Variants in FHIT observed in about 807,000 individuals in gnomAD.
The protein encoded by FHIT is fragile histidine triad diadenosine triphosphatase, also known as bis(5'-adenosyl)-triphosphatase.
A neutral mutation model predicts 17.9 loss-of-function variants in FHIT; 19 were observed. The observed-to-expected ratio is 1.06, with a 90% confidence interval of 0.74 to 1.56. The LOEUF (loss-of-function observed/expected upper bound fraction) is 1.56. FHIT is among the 40% of genes most tolerant of loss of function. FHIT has a pLI of 0.00. For synonymous variants in FHIT, 81 were observed against 69.7 expected (o/e 1.16, Z -0.81); for missense variants, 248 against 189.2 (o/e 1.31, Z -1.82).
intron 3 of FHIT, among the ~76,000 whole-genome samples, chr3:60,931,525 T>C (rs1553771791): frequency 1.3e-5 from 2 of 152,194 alleles, no homozygotes; most frequent in Non-Finnish European, 2.9e-5. Flanking sequence ...CGCCTGTTTT[T>C]AGTACAGATC....
At chr3:61,091,365 C>T (rs141256901) in intron 2 of FHIT, among the ~76,000 whole-genome samples, 153 of 152,196 alleles carry the variant, frequency 1.0e-3, no homozygotes, top group African/African-American at 3.4e-3. Flanking sequence ...AGGCAAGACA[C>T]GTAACCTTCC....
chr3:60,298,667 C>T (rs547172902), intron 5 of FHIT, among the ~76,000 whole-genome samples: 1 of 152,238 alleles, frequency 6.6e-6, no homozygotes, highest in African/African-American at 2.4e-5. Context: ...GTTTTTATCA[C>T]AAAGTGGTAT....
At chr3:59,915,653 G>T (rs1414327450) in intron 8 of FHIT, among the ~76,000 whole-genome samples, 1 of 152,164 alleles carries the variant, frequency 6.6e-6, no homozygotes, top group Non-Finnish European at 1.5e-5. Context: ...CTCAGCTCTA[G>T]CCTGGGCTGG....
At chr3:59,903,839 G>A (rs1704451197) in intron 8 of FHIT, among the ~76,000 whole-genome samples, 1 of 152,160 alleles carries the variant, frequency 6.6e-6, no homozygotes, top group South Asian at 2.1e-4. Flanking sequence ...TGAAGAGAAG[G>A]CAAAGTTAGA....
At chr3:60,028,937 G>C (rs935446972) in intron 5 of FHIT, among the ~76,000 whole-genome samples, 1 of 152,108 alleles carries the variant, frequency 6.6e-6, no homozygotes, top group African/African-American at 2.4e-5. Context: ...ACTTTAGGAG[G>C]GATTATGACA....
chr3:60,547,934 A>G (rs563678245), intron 4 of FHIT, among the ~76,000 whole-genome samples: 1 of 152,248 alleles, frequency 6.6e-6, no homozygotes, highest in African/African-American at 2.4e-5. Context: ...ACTTCAGGGT[A>G]GGGCAGATTC....
At chr3:61,012,797 G>C (rs550622733) in intron 3 of FHIT, among the ~76,000 whole-genome samples, 1 of 151,628 alleles carries the variant, frequency 6.6e-6, no homozygotes, top group Non-Finnish European at 1.5e-5. Flanking sequence ...TTGAAATGTA[G>C]AGGATTATAA....
chr3:60,789,576 T>A (rs1700708505), intron 4 of FHIT, among the ~76,000 whole-genome samples: 1 of 152,164 alleles, frequency 6.6e-6, no homozygotes, highest in Non-Finnish European at 1.5e-5. Context: ...CCTAAGAGTC[T>A]AAGATTCTCT....
At chr3:60,267,750 T>G (rs1706657039) in intron 5 of FHIT, among the ~76,000 whole-genome samples, 1 of 152,198 alleles carries the variant, frequency 6.6e-6, no homozygotes. Context: ...GATCTAGGAC[T>G]GATCCTAACA....
chr3:61,094,732 A>G (rs2035587226), intron 2 of FHIT, among the ~76,000 whole-genome samples: 1 of 152,224 alleles, frequency 6.6e-6, no homozygotes. Flanking sequence ...CTTGAACACA[A>G]GCACCATGAT....
intron 5 of FHIT, among the ~76,000 whole-genome samples, chr3:60,415,855 TAA>T (rs1162419972): frequency 7.1e-6 from 1 of 140,834 alleles, no homozygotes; most frequent in Non-Finnish European, 1.5e-5. Flanking sequence ...GATTTTTATA[TAA>T]GATATTATTA....
chr3:60,277,058 T>C (rs977456149), intron 5 of FHIT, among the ~76,000 whole-genome samples: 1 of 151,992 alleles, frequency 6.6e-6, no homozygotes, highest in Non-Finnish European at 1.5e-5. Flanking sequence ...GAACTTTCAG[T>C]TACTTAAAAA....
In FHIT at chr3:59,988,487, C is replaced by CCATT. The variant is rs1408654249; in HGVS notation, c.279+22880_279+22883dup. 6.0e-4 allele frequency among the ~76,000 whole-genome samples: 92 copies of CCATT among 152,144 alleles called. 1 individual carries two copies. Among genetic ancestry groups the CCATT allele is most frequent in the African/African-American group, 2.2e-3 (90 of 41,532 alleles). ...ATTATAATCACAGTATCTCATTCAT[C>CCATT]CATTCACTCATTCATTCATCCATCT... is the stretch of plus-strand genomic sequence containing the variant. On this transcript the variant is annotated intron_variant, in intron 7 of 9. Transcript: ENST00000492590.
chr3:61,238,920 G>T (rs1367316067), intron 1 of FHIT, among the ~76,000 whole-genome samples: 2 of 152,314 alleles, frequency 1.3e-5, no homozygotes, highest in Middle Eastern at 3.4e-3. Flanking sequence ...ACCGCATTAG[G>T]GGGCAGAAGT....
intron 3 of FHIT, among the ~76,000 whole-genome samples, chr3:60,855,443 C>A (rs1703341624): frequency 6.6e-6 from 1 of 152,100 alleles, no homozygotes; most frequent in Admixed American, 6.6e-5. Context: ...GTGCTTAGAG[C>A]TGTAGAAGCC....
intron 7 of FHIT, among the ~76,000 whole-genome samples, chr3:59,959,140 A>G (rs1021231797): frequency 2.0e-5 from 3 of 152,210 alleles, no homozygotes; most frequent in African/African-American, 7.2e-5. Context: ...ACAGCCAGAC[A>G]ACAATGCAAC....
intron 4 of FHIT, among the ~76,000 whole-genome samples, chr3:60,588,741 C>A (rs372631181): frequency 2.0e-5 from 3 of 152,008 alleles, no homozygotes; most frequent in African/African-American, 7.2e-5. Flanking sequence ...CTCAACCTCT[C>A]AAGCTCAAGT....
intron 5 of FHIT, among the ~76,000 whole-genome samples, chr3:60,169,373 G>T (rs1701318416): frequency 6.6e-6 from 1 of 152,086 alleles, no homozygotes; most frequent in South Asian, 2.1e-4. Context: ...CATTGCATAG[G>T]GCAGGAAGAA....
At chr3:60,291,700 C>T (rs1016962462) in intron 5 of FHIT, among the ~76,000 whole-genome samples, 3 of 152,068 alleles carry the variant, frequency 2.0e-5, no homozygotes, top group Non-Finnish European at 4.4e-5. Flanking sequence ...AATTTCTTTC[C>T]ACTTCCTGTG....
Sources: allele counts gnomAD v4.1 joint callset (sites outside exome capture counted in the v4.1 genomes callset), GRCh38; gene constraint gnomAD v4.1.1; transcripts MANE v1.5; gene names NCBI Gene and HGNC (gene_info 2026-07-23, HGNC 2026-07-21).